The following AGBL1 variants were observed in gnomAD, a reference collection of about 807,000 sequenced individuals.
AGBL1 encodes cytosolic carboxypeptidase 4.
AGBL1 carries 130 observed loss-of-function variants against 118.9 expected under a neutral mutation model. The observed-to-expected ratio is 1.09, with a 90% CI of 0.95 to 1.26. AGBL1 has a LOEUF of 1.26. AGBL1 is among the 50% of genes most tolerant of loss of function. The pLI is 0.00. For missense variants in AGBL1, 1,584 were observed against 1,298.1 expected, an observed-to-expected ratio of 1.22 and a Z score of -3.38; for synonymous variants, 555 against 478.9, an observed-to-expected ratio of 1.16 and a Z score of -2.08.
intron 21 of AGBL1, among the ~76,000 whole-genome samples, chr15:86,625,675 TA>T (rs1226028453): frequency 6.6e-6 from 1 of 152,088 alleles, no homozygotes; most frequent in Non-Finnish European, 1.5e-5. Context: ...CAAATGGTAG[TA>T]GCAAAATGGG....
At chr15:86,659,986 A>G (rs999068330) in intron 21 of AGBL1, among the ~76,000 whole-genome samples, 2 of 152,170 alleles carry the variant, frequency 1.3e-5, no homozygotes, top group Admixed American at 1.3e-4. Flanking sequence ...GGGGCCTCCC[A>G]ACACAGATGC....
At chr15:86,517,444 T>A (rs2083135312) in intron 18 of AGBL1, among the ~76,000 whole-genome samples, 1 of 152,180 alleles carries the variant, frequency 6.6e-6, no homozygotes, top group Non-Finnish European at 1.5e-5. Flanking sequence ...TAAAGAACTA[T>A]TTTGTATTTA....
intron 22 of AGBL1, among the ~76,000 whole-genome samples, chr15:86,726,858 A>G (rs1187877153): frequency 6.6e-6 from 1 of 152,144 alleles, no homozygotes; most frequent in Non-Finnish European, 1.5e-5. Context: ...CCCAGCCAGT[A>G]CTATGTATCA....
At chr15:86,798,997 G>A (rs1004084434) in intron 22 of AGBL1, among the ~76,000 whole-genome samples, 1 of 151,880 alleles carries the variant, frequency 6.6e-6, no homozygotes, top group East Asian at 1.9e-4. Context: ...ATTTGCCTGA[G>A]GTGAGTATTC....
chr15:86,814,869 T>C (rs1032385997), intron 22 of AGBL1, among the ~76,000 whole-genome samples: 2 of 152,202 alleles, frequency 1.3e-5, no homozygotes, highest in African/African-American at 4.8e-5. Context: ...ATACCTACTA[T>C]GTTCTTGTGG....
chr15:86,224,871 G>A (rs758995625), intron 5 of AGBL1, 43 bp from the exon 6 acceptor site: 7 of 1,606,014 alleles, frequency 4.4e-6, no homozygotes, highest in Middle Eastern at 1.7e-4. Context: ...CTGAGAAAAA[G>A]ACCATTGAAT....
chr15:86,216,475 A>G (rs1567132939), intron 5 of AGBL1, among the ~76,000 whole-genome samples: 1 of 152,162 alleles, frequency 6.6e-6, no homozygotes, highest in Non-Finnish European at 1.5e-5. Flanking sequence ...GAAAAATATG[A>G]TGGATTTTAT....
At chr15:86,243,844 A>ATT (rs2078675838) in intron 6 of AGBL1, among the ~76,000 whole-genome samples, 1 of 152,030 alleles carries the variant, frequency 6.6e-6, no homozygotes, top group Non-Finnish European at 1.5e-5. Flanking sequence ...CCCCGTCTCT[A>ATT]CTAAAAATAC....
chr15:86,280,116 A>T (rs1034679555), intron 16 of AGBL1, among the ~76,000 whole-genome samples: 1 of 151,872 alleles, frequency 6.6e-6, no homozygotes, highest in African/African-American at 2.4e-5. Context: ...TTGGAGTTGT[A>T]TGGGGAGCAA....
intron 1 of AGBL1, among the ~76,000 whole-genome samples, chr15:86,112,908 T>A (rs151160294): frequency 1.3e-5 from 2 of 152,338 alleles, no homozygotes; most frequent in Non-Finnish European, 2.9e-5. Flanking sequence ...AAATTGCCTG[T>A]TTATTTCTTT....
chr15:86,812,082 G>A (rs1336367473), intron 22 of AGBL1, among the ~76,000 whole-genome samples: 1 of 152,194 alleles, frequency 6.6e-6, no homozygotes, highest in Non-Finnish European at 1.5e-5. Flanking sequence ...GTAAGTAACT[G>A]ATTAGTGACA....
chr15:86,175,377 T>G (rs184005776), intron 5 of AGBL1, among the ~76,000 whole-genome samples: 110 of 152,290 alleles, frequency 7.2e-4, no homozygotes, highest in African/African-American at 2.6e-3. Flanking sequence ...GTGTCATTTC[T>G]GACTTTATTT....
intron 23 of AGBL1, among the ~76,000 whole-genome samples, chr15:86,926,067 A>T (rs2080535854): frequency 6.6e-6 from 1 of 152,108 alleles, no homozygotes; most frequent in Admixed American, 6.5e-5. Flanking sequence ...TAGGAGAAGG[A>T]AAACGTCAAT....
intron 18 of AGBL1, among the ~76,000 whole-genome samples, chr15:86,441,108 T>A (rs1449821948): frequency 6.6e-6 from 1 of 152,150 alleles, no homozygotes; most frequent in Non-Finnish European, 1.5e-5. Context: ...TTTTCTCAAA[T>A]CTGGTAGGTG....
downstream of AGBL1, among the ~76,000 whole-genome samples, chr15:86,920,845 A>G (rs994687714): frequency 6.6e-6 from 1 of 152,174 alleles, no homozygotes; most frequent in African/African-American, 2.4e-5. Flanking sequence ...TCTCTTAGAC[A>G]TAGTTTTTTT....
At chr15:86,520,134 A>T (rs2083168238) in intron 18 of AGBL1, among the ~76,000 whole-genome samples, 1 of 152,166 alleles carries the variant, frequency 6.6e-6, no homozygotes, top group Non-Finnish European at 1.5e-5. Flanking sequence ...AGAAAAAAAA[A>T]TTAGGATGAG....
At chr15:86,976,258 T>C (rs1405809625) in intron 23 of AGBL1, among the ~76,000 whole-genome samples, 3 of 150,874 alleles carry the variant, frequency 2.0e-5, no homozygotes, top group African/African-American at 7.3e-5. Flanking sequence ...TATATGTATA[T>C]ATATGTGAAT....
chr15:86,254,005 A>T (rs1416694774), intron 7 of AGBL1, among the ~76,000 whole-genome samples: 1 of 152,158 alleles, frequency 6.6e-6, no homozygotes, highest in Non-Finnish European at 1.5e-5. Context: ...TGTTGATAGG[A>T]GTGTAGGCAG....
intron 23 of AGBL1, among the ~76,000 whole-genome samples, chr15:86,964,587 G>C (rs2141691616): frequency 6.6e-6 from 1 of 151,818 alleles, no homozygotes; most frequent in African/African-American, 2.4e-5. Flanking sequence ...AATGTAGACA[G>C]CTTAGTGGGC....
Sources: allele counts gnomAD v4.1 joint callset (sites outside exome capture counted in the v4.1 genomes callset), GRCh38; gene constraint gnomAD v4.1.1; transcripts MANE v1.5; gene names NCBI Gene and HGNC (gene_info 2026-07-23, HGNC 2026-07-21).